The following RALGAPB variants were observed in gnomAD, a reference collection of about 807,000 sequenced individuals.
RALGAPB encodes Ral GTPase activating protein non-catalytic subunit beta, also known as ral GTPase-activating protein subunit beta.
In RALGAPB, 25 loss-of-function variants were observed where a neutral mutation model predicts 161.1. The ratio of observed to expected loss-of-function variants is 0.16; its 90% CI spans 0.11 to 0.22. RALGAPB has a LOEUF of 0.22. Among genes scored for constraint, RALGAPB ranks in the 10% least tolerant of loss-of-function variants. RALGAPB has a pLI of 1.00. For missense variants in RALGAPB, 1,391 were observed against 1,815.2 expected, an observed-to-expected ratio of 0.77 and a Z score of 4.25; for synonymous variants, 629 against 626.1, an observed-to-expected ratio of 1.00 and a Z score of -0.07.
chr20:38,574,363 A>G, intron 29 of RALGAPB, 65 bp downstream of exon 29: 1 of 1,479,524 alleles, frequency 6.8e-7, no homozygotes, highest in Non-Finnish European at 9.1e-7. Context: ...TATAAACCAA[A>G]AAGAAGTAAA....
intron 1 of RALGAPB, 73 bp downstream of exon 1, chr20:38,473,142 A>G: frequency 3.0e-6 from 1 of 331,068 alleles, no homozygotes; most frequent in Non-Finnish European, 5.5e-6. Flanking sequence ...CTGGCGGTCA[A>G]GGGACGGCTG....
intron 23 of RALGAPB, among the ~76,000 whole-genome samples, chr20:38,558,679 A>G (rs1489346773): frequency 2.6e-5 from 4 of 152,206 alleles, no homozygotes; most frequent in Non-Finnish European, 5.9e-5. Context: ...GTTGTTTTTC[A>G]GGACTTCTCA....
chr20:38,518,093 C>CT (rs2123095717), intron 9 of RALGAPB, 93 bp downstream of exon 9: 2 of 1,181,530 alleles, frequency 1.7e-6, no homozygotes, highest in South Asian at 2.9e-5. Context: ...TAATATGTAT[C>CT]TTAAAAAGCT....
chr20:38,563,554 T>G (rs1265946816), intron 24 of RALGAPB, among the ~76,000 whole-genome samples: 1 of 152,174 alleles, frequency 6.6e-6, no homozygotes, highest in African/African-American at 2.4e-5. Flanking sequence ...ACTTAAGACC[T>G]TTGCCCCACC....
chr20:38,489,476 C>T (rs1487695331), intron 2 of RALGAPB, among the ~76,000 whole-genome samples: 1 of 152,156 alleles, frequency 6.6e-6, no homozygotes. Flanking sequence ...GTTCAGCGGC[C>T]CAGGCTGAAG....
chr20:38,559,801 TGA>T (rs374445154), intron 23 of RALGAPB, among the ~76,000 whole-genome samples: 71 of 152,214 alleles, frequency 4.7e-4, no homozygotes, highest in Middle Eastern at 3.4e-3. Context: ...AATGGAAAAC[TGA>T]GAGCAAAATG....
intron 19 of RALGAPB, 173 bp downstream of exon 19, chr20:38,546,603 C>G (rs2087172561): frequency 1.4e-6 from 1 of 734,488 alleles, no homozygotes; most frequent in African/African-American, 1.8e-5. Context: ...ATAGAATATA[C>G]ATATTACATA....
At chr20:38,525,380 T>C in intron 11 of RALGAPB, 24 bp from the exon 12 acceptor site, 1 of 1,508,050 alleles carries the variant, frequency 6.6e-7, no homozygotes, top group Non-Finnish European at 9.1e-7. Context: ...TCAAAAATAC[T>C]AATAGCTTTT....
At chr20:38,510,252 C>A (rs1228446487) in intron 6 of RALGAPB, among the ~76,000 whole-genome samples, 2 of 152,012 alleles carry the variant, frequency 1.3e-5, no homozygotes, top group Admixed American at 1.3e-4. Context: ...AGCAATCCAC[C>A]CACTTCAGCC....
At position 38,576,829 on chromosome 20, in the gene RALGAPB, A is replaced by G. The variant is rs187065477; in HGVS notation, c.*1862A>G. 1 of 152,742 alleles carries G rather than the reference A, an allele frequency of 6.5e-6. No homozygotes were observed. Among genetic ancestry groups the G allele is most frequent in the Admixed American group, 6.5e-5 (1 of 15,304 alleles). 9.5% of individuals were successfully genotyped at this position (152,742 alleles called of 1,614,324 possible). On this transcript the variant is annotated 3_prime_UTR_variant, in exon 30 of 30. Transcript: ENST00000262879. ...AGAGAAGGCTATAAATTAATATGTA[A>G]CTTACAGCATTCCAGAGGTTAAAAA... is the stretch of plus-strand genomic sequence containing the variant.
intron 1 of RALGAPB, among the ~76,000 whole-genome samples, chr20:38,486,467 G>C (rs559259180): frequency 9.1e-4 from 139 of 152,230 alleles, no homozygotes; most frequent in African/African-American, 2.8e-3. Context: ...AGAATTGGGA[G>C]GGTAGTGGCC....
chr20:38,551,644 A>T (rs1231646773), intron 21 of RALGAPB, among the ~76,000 whole-genome samples: 4 of 152,198 alleles, frequency 2.6e-5, no homozygotes. Context: ...AGGGAAGGAA[A>T]AGAGCCAAAG....
At chr20:38,501,055 T>C (rs977536041) in intron 5 of RALGAPB, among the ~76,000 whole-genome samples, 1 of 152,170 alleles carries the variant, frequency 6.6e-6, no homozygotes, top group African/African-American at 2.4e-5. Flanking sequence ...GCAAGTGTGA[T>C]GGAGAAGCTG....
At chr20:38,562,839 G>C in intron 24 of RALGAPB, 142 bp downstream of exon 24, 1 of 865,640 alleles carries the variant, frequency 1.2e-6, no homozygotes, top group Non-Finnish European at 1.7e-6. Flanking sequence ...TCTTCAAGAA[G>C]CCAAGGTGGG....
intron 6 of RALGAPB, among the ~76,000 whole-genome samples, chr20:38,514,172 A>C (rs538692590): frequency 4.9e-4 from 74 of 152,262 alleles, no homozygotes; most frequent in African/African-American, 1.7e-3. Context: ...ACCCTTTCTC[A>C]TGTTGGGGAG....
At chr20:38,520,517 GT>G (rs1335780733) in intron 9 of RALGAPB, among the ~76,000 whole-genome samples, 1 of 68,782 alleles carries the variant, frequency 1.5e-5, no homozygotes, top group Non-Finnish European at 2.7e-5. Context: ...CACTAACTGT[GT>G]TTTGGCTTTT....
At chr20:38,503,573 A>C (rs2085659838) in intron 5 of RALGAPB, among the ~76,000 whole-genome samples, 1 of 152,232 alleles carries the variant, frequency 6.6e-6, no homozygotes. Context: ...ATGGATGAGC[A>C]AAGAGTTTCC....
chr20:38,503,313 C>T (rs1246481036), intron 5 of RALGAPB, among the ~76,000 whole-genome samples: 1 of 152,116 alleles, frequency 6.6e-6, no homozygotes, highest in African/African-American at 2.4e-5. Context: ...GGGCCAGCAC[C>T]TCTAGTCCCT....
chr20:38,533,692 A>G (rs2086721981), intron 15 of RALGAPB, among the ~76,000 whole-genome samples: 1 of 152,218 alleles, frequency 6.6e-6, no homozygotes. Flanking sequence ...TCAGATATAC[A>G]TAAAGCCATT....
Sources: allele counts gnomAD v4.1 joint callset (sites outside exome capture counted in the v4.1 genomes callset), GRCh38; gene constraint gnomAD v4.1.1; transcripts MANE v1.5; gene names NCBI Gene and HGNC (gene_info 2026-07-23, HGNC 2026-07-21).